Variants in ARMH3 observed in about 807,000 individuals in gnomAD.
ARMH3 encodes the protein armadillo-like helical domain-containing protein 3.
A neutral mutation model predicts 99.1 loss-of-function variants in ARMH3; 60 were observed. The ratio of observed to expected loss-of-function variants is 0.61; its 90% CI spans 0.49 to 0.75. The LOEUF (loss-of-function observed/expected upper bound fraction) is 0.75. Ranked by LOEUF, ARMH3 falls within the 30% of genes least tolerant of loss-of-function variation. ARMH3 has a pLI of 0.00. For synonymous variants in ARMH3, 285 were observed against 292.8 expected, an observed-to-expected ratio of 0.97 and a Z score of 0.27; for missense variants, 679 against 843.1, an observed-to-expected ratio of 0.81 and a Z score of 2.41.
chr10:101,901,044 T>C (rs2067962498), intron 23 of ARMH3, among the ~76,000 whole-genome samples: 1 of 151,688 alleles, frequency 6.6e-6, no homozygotes, highest in South Asian at 2.1e-4. Context: ...GAGGGAAATA[T>C]TCTGTGGATC....
chr10:101,870,454 C>T (rs2067107121), intron 24 of ARMH3, among the ~76,000 whole-genome samples: 1 of 151,998 alleles, frequency 6.6e-6, no homozygotes, highest in African/African-American at 2.4e-5. Flanking sequence ...GAGATCTATC[C>T]TATGGGTTAT....
chr10:101,871,624 T>G (rs2135367854), intron 24 of ARMH3, among the ~76,000 whole-genome samples: 1 of 152,194 alleles, frequency 6.6e-6, no homozygotes, highest in East Asian at 1.9e-4. Flanking sequence ...GGAAAGAACA[T>G]TTACCACACA....
intron 20 of ARMH3, among the ~76,000 whole-genome samples, chr10:101,974,712 A>G (rs1845913333): frequency 6.6e-6 from 1 of 152,166 alleles, no homozygotes; most frequent in South Asian, 2.1e-4. Context: ...CACTGTCTGT[A>G]AACAGTAATA....
chr10:102,005,049 A>G (rs1286074840), intron 14 of ARMH3, among the ~76,000 whole-genome samples: 2 of 151,882 alleles, frequency 1.3e-5, no homozygotes, highest in Non-Finnish European at 2.9e-5. Context: ...CTAAAAATAC[A>G]AAAAATTAGC....
intron 23 of ARMH3, among the ~76,000 whole-genome samples, chr10:101,915,550 C>G (rs1843042477): frequency 6.6e-6 from 1 of 152,130 alleles, no homozygotes. Context: ...CCATGAGAAG[C>G]AAACACTGTA....
intron 22 of ARMH3, among the ~76,000 whole-genome samples, chr10:101,955,236 T>G (rs1035675808): frequency 6.6e-6 from 1 of 152,218 alleles, no homozygotes; most frequent in Admixed American, 6.5e-5. Flanking sequence ...TGCTGTTGCA[T>G]GGGCAACTGA....
Position 101,918,869 on chromosome 10 carries a change from G to A in ARMH3, c.1781+20994C>T, listed in dbSNP as rs553186491. On this transcript the variant is annotated intron_variant, in intron 23 of 25. Coordinates refer to ENST00000370033, the MANE Select transcript of ARMH3 (RefSeq NM_024541.3). ...GCTTAGTAGAACACTGATTTCTGAT[G>A]AAAAAGAACATCCAGCTTTTCAAAT... Among the ~76,000 whole-genome samples, 8 of 152,284 alleles carry A rather than the reference G, an allele frequency of 5.3e-5. No homozygotes were observed. The South Asian group carries it at 1.0e-3, about 20-fold the overall frequency.
intron 23 of ARMH3, among the ~76,000 whole-genome samples, chr10:101,894,594 C>T (rs1022536430): frequency 6.6e-6 from 1 of 152,152 alleles, no homozygotes; most frequent in African/African-American, 2.4e-5. Flanking sequence ...TAAGGCACCA[C>T]GTTTATAGAT....
At position 102,014,938 on chromosome 10, in the gene ARMH3, G is replaced by A. The variant is rs1188678518; in HGVS notation, c.670-914C>T. On this transcript the variant is annotated intron_variant, in intron 8 of 25. Transcript: ENST00000370033. The stretch of plus-strand genomic sequence containing the variant: ...AGTTCTCAGACTGGCAGTTTCTACA[G>A]CTACCAAAAAAACTCATAACTAAGA... Among the ~76,000 whole-genome samples, 4 of 152,092 alleles carry A rather than the reference G, an allele frequency of 2.6e-5. No individual in the cohort carries two copies. In the East Asian group the frequency reaches 7.7e-4, roughly 29 times the overall value.
chr10:101,985,473 G>A (rs1209714968), intron 19 of ARMH3, among the ~76,000 whole-genome samples: 1 of 151,852 alleles, frequency 6.6e-6, no homozygotes, highest in African/African-American at 2.4e-5. Flanking sequence ...CCAACATTTT[G>A]GGAGGCTGAG....
intron 19 of ARMH3, among the ~76,000 whole-genome samples, chr10:101,987,754 G>A (rs1846579131): frequency 6.6e-6 from 1 of 152,158 alleles, no homozygotes; most frequent in African/African-American, 2.4e-5. Context: ...CCTACGGAGA[G>A]ACCCACGTGG....
chr10:102,002,788 C>T (rs1173000303), intron 14 of ARMH3, among the ~76,000 whole-genome samples: 1 of 151,552 alleles, frequency 6.6e-6, no homozygotes, highest in African/African-American at 2.4e-5. Context: ...TGGTGAAACC[C>T]CATCTCTACT....
chr10:102,035,886 C>T (rs2067245818), intron 2 of ARMH3, among the ~76,000 whole-genome samples: 2 of 151,176 alleles, frequency 1.3e-5, no homozygotes, highest in Admixed American at 1.3e-4. Flanking sequence ...TGTGAGGAGC[C>T]CCTCTGCCCA....
chr10:102,049,394 T>C (rs1391342560), intron 1 of ARMH3, among the ~76,000 whole-genome samples: 2 of 151,780 alleles, frequency 1.3e-5, no homozygotes, highest in East Asian at 3.9e-4. Flanking sequence ...ATACAAAAAT[T>C]AGCCACGCAT....
chr10:102,042,551 G>C (rs1423574392), intron 1 of ARMH3, among the ~76,000 whole-genome samples: 1 of 152,180 alleles, frequency 6.6e-6, no homozygotes, highest in Admixed American at 6.5e-5. Context: ...TGGAGCAGCA[G>C]GAAAATCAGC....
At chr10:101,964,215 G>A (rs1252525831) in intron 20 of ARMH3, among the ~76,000 whole-genome samples, 2 of 152,026 alleles carry the variant, frequency 1.3e-5, no homozygotes, top group Admixed American at 6.6e-5. Flanking sequence ...TCGCCACGTT[G>A]GCCAGGCTGG....
At chr10:101,936,676 A>C (rs948533340) in intron 23 of ARMH3, among the ~76,000 whole-genome samples, 8 of 152,170 alleles carry the variant, frequency 5.3e-5, no homozygotes, top group African/African-American at 1.9e-4. Flanking sequence ...CAAAAAGTGA[A>C]AGTGGGGTCT....
chr10:101,874,446 A>G (rs1307653724), intron 24 of ARMH3, among the ~76,000 whole-genome samples: 1 of 152,116 alleles, frequency 6.6e-6, no homozygotes, highest in African/African-American at 2.4e-5. Flanking sequence ...AACAATGCTA[A>G]TGAGTCCTCC....
At chr10:102,043,976 G>A (rs1192995795) in intron 1 of ARMH3, among the ~76,000 whole-genome samples, 1 of 152,100 alleles carries the variant, frequency 6.6e-6, no homozygotes, top group Non-Finnish European at 1.5e-5. Context: ...GAGTGCAGTG[G>A]TGCAATCTCG....
Sources: gnomAD v4.1 joint callset for allele counts (sites outside exome capture counted in the v4.1 genomes callset) on GRCh38, gnomAD v4.1.1 for gene constraint, MANE v1.5 for transcripts, NCBI Gene and HGNC (gene_info 2026-07-23, HGNC 2026-07-21) for gene names.